KDM6A: variants seen among roughly 807,000 people sequenced by gnomAD.
KDM6A encodes the protein lysine demethylase 6A, also known as lysine-specific demethylase 6A.
KDM6A carries 11 observed loss-of-function variants against 117.6 expected under a neutral mutation model. That is an observed-to-expected ratio of 0.09 (90% CI 0.06 to 0.15). KDM6A has a LOEUF of 0.15. KDM6A is among the 10% of genes least tolerant of loss of function. KDM6A has a pLI of 1.00. For missense variants in KDM6A, 799 were observed against 1,077.3 expected (o/e 0.74, Z 3.62); for synonymous variants, 384 against 396.1 (o/e 0.97, Z 0.36).
intron 4 of KDM6A, among the ~76,000 whole-genome samples, chrX:44,982,728 C>T (rs543872082): frequency 1.8e-5 from 2 of 111,420 alleles, no homozygotes; most frequent in African/African-American, 6.5e-5. Flanking sequence ...TTGTGCTGGC[C>T]GTATTTTCCT....
chrX:45,029,222 G>T (rs1472483146), intron 6 of KDM6A, among the ~76,000 whole-genome samples: 1 of 110,782 alleles, frequency 9.0e-6, no homozygotes, highest in Non-Finnish European at 1.9e-5. Flanking sequence ...ATTGCCTGAG[G>T]TCAGGAGTTT....
In KDM6A at chrX:45,034,995, A is replaced by G; in HGVS notation, c.619+10A>G. 1 of 1,142,652 alleles carries G rather than the reference A, an allele frequency of 8.8e-7. No individual in the cohort carries two copies. The highest frequency in any genetic ancestry group is 2.2e-5 in the Admixed American group (1 of 45,957). The allele number at this position is 1,142,652 out of a possible 1,213,427, so 94.2% of individuals were successfully genotyped here. On this transcript the variant is annotated intron_variant, in intron 7 of 29. Coordinates refer to ENST00000611820, the MANE Select transcript of KDM6A (RefSeq NM_001291415.2). ...TTGTCCAATGCTGAAAGTAAGTATT[A>G]TTAAGTACTGTAGTTTTCTACATGT...
intron 3 of KDM6A, among the ~76,000 whole-genome samples, chrX:44,963,713 C>T (rs2038856565): frequency 9.1e-6 from 1 of 110,010 alleles, no homozygotes; most frequent in Non-Finnish European, 1.9e-5. Flanking sequence ...TCAACTTCTT[C>T]CAGACTCCTG....
chrX:44,957,871 G>A (rs982271464), intron 2 of KDM6A, among the ~76,000 whole-genome samples: 1 of 111,741 alleles, frequency 8.9e-6, no homozygotes, highest in African/African-American at 3.3e-5. Context: ...TAGGCTTTAA[G>A]AATTATCTAG....
At chrX:44,890,231 C>T (rs1569355297) in intron 2 of KDM6A, among the ~76,000 whole-genome samples, 1 of 112,322 alleles carries the variant, frequency 8.9e-6, no homozygotes, top group Non-Finnish European at 1.9e-5. Flanking sequence ...GGAGAGTTAT[C>T]TAAGTTGTAT....
chrX:45,090,415 C>T (rs1012984943), intron 26 of KDM6A, among the ~76,000 whole-genome samples: 1 of 111,343 alleles, frequency 9.0e-6, no homozygotes, highest in Non-Finnish European at 1.9e-5. Flanking sequence ...GTTATTTAAC[C>T]TCTCTGGTCC....
chrX:45,094,925 A>T (rs748638037), intron 27 of KDM6A, among the ~76,000 whole-genome samples: 2 of 111,345 alleles, frequency 1.8e-5, no homozygotes, highest in South Asian at 7.7e-4. Context: ...TTAGAAGCCA[A>T]TTATGCTTTG....
intron 4 of KDM6A, among the ~76,000 whole-genome samples, chrX:44,975,558 T>A (rs1447088920): frequency 3.6e-5 from 4 of 111,865 alleles, no homozygotes; most frequent in Non-Finnish European, 7.5e-5. Flanking sequence ...TCTGGCTTTT[T>A]TTTAAAAGCT....
intron 4 of KDM6A, among the ~76,000 whole-genome samples, chrX:44,984,525 T>C (rs1306464879): frequency 8.9e-6 from 1 of 111,943 alleles, no homozygotes; most frequent in African/African-American, 3.2e-5. Flanking sequence ...GGTTTTCTTC[T>C]AGGGTTTTTA....
intron 2 of KDM6A, among the ~76,000 whole-genome samples, chrX:44,910,005 A>G (rs926429788): frequency 4.5e-5 from 5 of 111,831 alleles, no homozygotes; most frequent in Non-Finnish European, 9.4e-5. Flanking sequence ...AATTACACTT[A>G]ATTTAACTGA....
intron 3 of KDM6A, among the ~76,000 whole-genome samples, chrX:44,962,168 A>G (rs1332564605): frequency 1.8e-5 from 2 of 112,203 alleles, no homozygotes; most frequent in African/African-American, 6.5e-5. Context: ...CACCTGGCAG[A>G]TAGTTTCAGG....
intron 10 of KDM6A, among the ~76,000 whole-genome samples, chrX:45,057,267 T>G (rs1432264575): frequency 8.9e-6 from 1 of 111,767 alleles, no homozygotes; most frequent in Non-Finnish European, 1.9e-5. Flanking sequence ...TCAGCATATT[T>G]CAAACCATGT....
intron 8 of KDM6A, among the ~76,000 whole-genome samples, chrX:45,043,275 G>T (rs978502231): frequency 9.0e-6 from 1 of 111,061 alleles, no homozygotes; most frequent in African/African-American, 3.3e-5. Flanking sequence ...GGGTGACAAA[G>T]CGAGACCCCG....
chrX:44,996,432 CA>C (rs2040865757), intron 4 of KDM6A, among the ~76,000 whole-genome samples: 2 of 108,416 alleles, frequency 1.8e-5, no homozygotes, highest in Admixed American at 1.9e-4. Context: ...CAGGTCTCTA[CA>C]GTCTTGGGTC....
chrX:44,942,579 C>A (rs1007495643), intron 2 of KDM6A, among the ~76,000 whole-genome samples: 1 of 109,327 alleles, frequency 9.1e-6, no homozygotes, highest in Non-Finnish European at 1.9e-5. Context: ...ATAATTGTTT[C>A]GGCTATTCTA....
intron 2 of KDM6A, among the ~76,000 whole-genome samples, chrX:44,912,130 C>G (rs2035242440): frequency 9.1e-6 from 1 of 110,152 alleles, no homozygotes; most frequent in South Asian, 3.9e-4. Flanking sequence ...CTCTCGTTGC[C>G]CAGGCTGGAG....
Position 44,874,150 on chromosome X carries a change from C to T in KDM6A, c.225+163C>T, listed in dbSNP as rs754968414. ...CTGCTCTCCCCCCACCCCCGGGTACCCTGCTTGCTCCCTTGCGAAATCGCT... is the reference window on the plus strand; with the variant it reads ...CTGCTCTCCCCCCACCCCCGGGTACTCTGCTTGCTCCCTTGCGAAATCGCT... On this transcript the variant is annotated intron_variant, in intron 2 of 29. Transcript: ENST00000611820. Among the ~76,000 whole-genome samples, 15 of 111,825 alleles carry T rather than the reference C, an allele frequency of 1.3e-4. No individual in the cohort carries two copies. In the South Asian group the frequency reaches 4.8e-3, roughly 36 times the overall value.
intron 8 of KDM6A, among the ~76,000 whole-genome samples, chrX:45,037,992 C>T (rs1396260340): frequency 2.7e-5 from 3 of 111,635 alleles, no homozygotes; most frequent in Admixed American, 9.5e-5. Context: ...GAGGCCAAGG[C>T]GGGTAGATCA....
chrX:45,067,508 T>A (rs2044580447), intron 17 of KDM6A, among the ~76,000 whole-genome samples: 1 of 111,575 alleles, frequency 9.0e-6, no homozygotes. Flanking sequence ...ATGATTATAA[T>A]ATGCAGTGTT....
Sources: allele counts gnomAD v4.1 joint callset (sites outside exome capture counted in the v4.1 genomes callset), GRCh38; gene constraint gnomAD v4.1.1; transcripts MANE v1.5; gene names NCBI Gene and HGNC (gene_info 2026-07-23, HGNC 2026-07-21).